Variants in RAB38 observed in about 807,000 individuals in gnomAD.
RAB38 encodes the protein ras-related protein Rab-38.
RAB38 carries 15 observed loss-of-function variants against 18.4 expected under a neutral mutation model. The ratio of observed to expected loss-of-function variants is 0.82; its 90% CI spans 0.55 to 1.26. RAB38 has a LOEUF of 1.26. RAB38 is among the 50% of genes most tolerant of loss of function. RAB38 has a pLI of 0.00. For missense variants in RAB38, 294 were observed against 267.4 expected, an observed-to-expected ratio of 1.10 and a Z score of -0.69; for synonymous variants, 101 against 104.4, an observed-to-expected ratio of 0.97 and a Z score of 0.20.
the RAB38 span, among the ~76,000 whole-genome samples, chr11:88,023,596 T>A: frequency 6.6e-6 from 1 of 151,884 alleles, no homozygotes; most frequent in Non-Finnish European, 1.5e-5. Context: ...GCCAAAACTA[T>A]CCTAAGCACA....
intron 2 of RAB38, among the ~76,000 whole-genome samples, chr11:88,116,156 C>T (rs753379949): frequency 2.0e-5 from 3 of 152,196 alleles, no homozygotes; most frequent in Non-Finnish European, 4.4e-5. Flanking sequence ...CTAGGCAGGG[C>T]CTTGCTTTTT....
chr11:87,842,450 A>G, the RAB38 span, among the ~76,000 whole-genome samples: 3 of 152,216 alleles, frequency 2.0e-5, no homozygotes, highest in African/African-American at 7.2e-5. Flanking sequence ...GATATCATCA[A>G]AAGCCTGAAG....
the RAB38 span, among the ~76,000 whole-genome samples, chr11:87,942,846 C>G: frequency 1.3e-5 from 2 of 152,286 alleles, no homozygotes; most frequent in South Asian, 4.1e-4. Flanking sequence ...CATAATCATT[C>G]TCGCTTTTCA....
the RAB38 span, among the ~76,000 whole-genome samples, chr11:88,065,545 G>A: frequency 1.3e-5 from 2 of 152,128 alleles, no homozygotes; most frequent in Admixed American, 6.6e-5. Flanking sequence ...ATCTTCTTTC[G>A]GGAAGAGTTA....
At chr11:88,062,977 A>T in the RAB38 span, among the ~76,000 whole-genome samples, 1 of 152,318 alleles carries the variant, frequency 6.6e-6, no homozygotes, top group Admixed American at 6.5e-5. Context: ...CTACCTTTTT[A>T]TATGTTGGAA....
the RAB38 span, among the ~76,000 whole-genome samples, chr11:87,844,776 T>C: frequency 5.3e-5 from 8 of 152,264 alleles, no homozygotes; most frequent in African/African-American, 1.2e-4. Flanking sequence ...TTGAAGTTAA[T>C]AGGCAAGCCT....
chr11:88,027,612 G>A, the RAB38 span, among the ~76,000 whole-genome samples: 798 of 152,280 alleles, frequency 5.2e-3, 4 homozygotes, highest in African/African-American at 0.015. Context: ...ATGGAGTCTC[G>A]CTGATTGCTA....
At chr11:87,868,271 G>A in the RAB38 span, among the ~76,000 whole-genome samples, 1 of 151,474 alleles carries the variant, frequency 6.6e-6, no homozygotes, top group Admixed American at 6.6e-5. Context: ...AAATGAGCCT[G>A]GCACCTCTTT....
At chr11:88,021,812 C>G in the RAB38 span, among the ~76,000 whole-genome samples, 1 of 145,684 alleles carries the variant, frequency 6.9e-6, no homozygotes, top group African/African-American at 2.5e-5. Flanking sequence ...TGAGATCATG[C>G]CACTGCACTC....
At chr11:88,027,672 G>T in the RAB38 span, among the ~76,000 whole-genome samples, 2 of 131,536 alleles carry the variant, frequency 1.5e-5, no homozygotes, top group South Asian at 4.8e-4. Context: ...GCTGGGGGAG[G>T]GGCGCCCGCC....
chr11:87,895,011 G>A, the RAB38 span, among the ~76,000 whole-genome samples: 10 of 151,588 alleles, frequency 6.6e-5, no homozygotes, highest in Non-Finnish European at 1.5e-4. Context: ...AAAGAAATGT[G>A]CTGTTGTTCC....
the RAB38 span, among the ~76,000 whole-genome samples, chr11:87,847,909 TAAGAGAATACA>T: frequency 6.6e-6 from 1 of 152,080 alleles, no homozygotes; most frequent in Non-Finnish European, 1.5e-5. Flanking sequence ...ATAAAAGAGC[TAAGAGAATACA>T]AACCTTGAAA....
At chr11:87,878,220 T>TACAC in the RAB38 span, among the ~76,000 whole-genome samples, 7 of 109,244 alleles carry the variant, frequency 6.4e-5, 1 homozygote, top group African/African-American at 4.9e-4. Flanking sequence ...TATATATATA[T>TACAC]ATACACACAT....
intron 2 of RAB38, among the ~76,000 whole-genome samples, chr11:88,135,223 C>T (rs1046614047): frequency 2.6e-5 from 4 of 152,152 alleles, no homozygotes; most frequent in South Asian, 4.1e-4. Context: ...CGCAAGCTCC[C>T]CTGCTTTCAT....
At chr11:87,849,985 A>T in the RAB38 span, among the ~76,000 whole-genome samples, 1 of 151,902 alleles carries the variant, frequency 6.6e-6, no homozygotes, top group East Asian at 1.9e-4. Context: ...CAGCTTTTAA[A>T]TGGCTGTTCT....
chr11:87,864,690 C>T, the RAB38 span, among the ~76,000 whole-genome samples: 1 of 151,656 alleles, frequency 6.6e-6, no homozygotes, highest in African/African-American at 2.4e-5. Context: ...GAATATGATA[C>T]CAGTTATTTG....
chr11:87,874,931 T>C, the RAB38 span, among the ~76,000 whole-genome samples: 1 of 151,446 alleles, frequency 6.6e-6, no homozygotes, highest in African/African-American at 2.4e-5. Flanking sequence ...TATGGTCCAG[T>C]CATCCCACTT....
chr11:87,937,125 T>C, the RAB38 span, among the ~76,000 whole-genome samples: 2 of 151,766 alleles, frequency 1.3e-5, no homozygotes, highest in Admixed American at 6.6e-5. Flanking sequence ...AGATGTTCTT[T>C]CTTAACCAAC....
At chr11:87,852,849 G>A in the RAB38 span, among the ~76,000 whole-genome samples, 5 of 151,938 alleles carry the variant, frequency 3.3e-5, no homozygotes, top group Non-Finnish European at 7.4e-5. Flanking sequence ...ATTCCCATGG[G>A]TGTCTCAGAA....
Sources: gnomAD v4.1 joint callset for allele counts (sites outside exome capture counted in the v4.1 genomes callset) on GRCh38, gnomAD v4.1.1 for gene constraint, MANE v1.5 for transcripts, NCBI Gene and HGNC (gene_info 2026-07-23, HGNC 2026-07-21) for gene names.